RAP1GDS1: variants seen among roughly 807,000 people sequenced by gnomAD.
The protein encoded by RAP1GDS1 is RAP1, GTP-GDP dissociation stimulator 1.
In RAP1GDS1, 35 loss-of-function variants were observed where a neutral mutation model predicts 71.1. That is an observed-to-expected ratio of 0.49 (90% CI 0.38 to 0.65). The LOEUF is 0.65. Among genes scored for constraint, RAP1GDS1 ranks in the 30% least tolerant of loss-of-function variants. RAP1GDS1 has a pLI of 0.00. For missense variants in RAP1GDS1, 663 were observed against 706.1 expected (o/e 0.94, Z 0.69); for synonymous variants, 229 against 243.1 (o/e 0.94, Z 0.54).
intron 6 of RAP1GDS1, among the ~76,000 whole-genome samples, chr4:98,398,994 A>G (rs1285818047): frequency 6.6e-6 from 1 of 152,198 alleles, no homozygotes; most frequent in Non-Finnish European, 1.5e-5. Context: ...CGGTCATACT[A>G]TTCAAAGCAA....
At chr4:98,294,596 C>T (rs553698988) in intron 2 of RAP1GDS1, among the ~76,000 whole-genome samples, 2 of 151,998 alleles carry the variant, frequency 1.3e-5, no homozygotes, top group South Asian at 2.1e-4. Flanking sequence ...GAAAGGAGAA[C>T]GTCTAAGCCT....
chr4:98,283,817 A>G (rs936337274), intron 1 of RAP1GDS1, among the ~76,000 whole-genome samples: 1 of 133,966 alleles, frequency 7.5e-6, no homozygotes, highest in South Asian at 2.4e-4. Context: ...TTTCATTGTG[A>G]TTTTTTTTTT....
chr4:98,289,470 A>G (rs527999106), intron 1 of RAP1GDS1, among the ~76,000 whole-genome samples: 2 of 151,334 alleles, frequency 1.3e-5, no homozygotes, highest in South Asian at 4.2e-4. Context: ...ACTGACACAC[A>G]TGATGTTGTG....
At chr4:98,412,516 TAAAC>T (rs1349795194) in intron 7 of RAP1GDS1, among the ~76,000 whole-genome samples, 1 of 152,122 alleles carries the variant, frequency 6.6e-6, no homozygotes, top group Non-Finnish European at 1.5e-5. Flanking sequence ...CACTGTCTCT[TAAAC>T]AAAAAATCTG....
intron 2 of RAP1GDS1, among the ~76,000 whole-genome samples, chr4:98,319,649 T>C (rs988288844): frequency 6.6e-6 from 1 of 151,798 alleles, no homozygotes; most frequent in Non-Finnish European, 1.5e-5. Context: ...AACATGGTGG[T>C]GCACACCTAT....
chr4:98,352,326 C>A, intron 3 of RAP1GDS1, 150 bp from the exon 4 acceptor site: 1 of 749,148 alleles, frequency 1.3e-6, no homozygotes, highest in Non-Finnish European at 2.1e-6. Flanking sequence ...TACTTTTGTA[C>A]AGAAATGTAC....
chr4:98,287,144 A>G (rs1204329857), intron 1 of RAP1GDS1, among the ~76,000 whole-genome samples: 1 of 152,296 alleles, frequency 6.6e-6, no homozygotes, highest in Admixed American at 6.5e-5. Flanking sequence ...TAGTATGAGT[A>G]TCCTAGCATA....
At chr4:98,371,305 C>T (rs1161584476) in intron 4 of RAP1GDS1, among the ~76,000 whole-genome samples, 1 of 151,006 alleles carries the variant, frequency 6.6e-6, no homozygotes, top group East Asian at 2.0e-4. Flanking sequence ...TTAGTAGAGG[C>T]AGGATTTCAC....
intron 4 of RAP1GDS1, among the ~76,000 whole-genome samples, chr4:98,362,338 A>G (rs1415165882): frequency 1.3e-5 from 2 of 152,146 alleles, no homozygotes; most frequent in Non-Finnish European, 2.9e-5. Context: ...TTAGCTGTGC[A>G]TGATGGAGCA....
intron 4 of RAP1GDS1, 71 bp downstream of exon 4, chr4:98,352,672 T>A: frequency 6.5e-7 from 1 of 1,537,942 alleles, no homozygotes; most frequent in Non-Finnish European, 8.8e-7. Context: ...TCTGCTTTTG[T>A]GTTAGCAGTG....
At chr4:98,264,671 A>G (rs1051695679) in intron 1 of RAP1GDS1, among the ~76,000 whole-genome samples, 4 of 152,206 alleles carry the variant, frequency 2.6e-5, no homozygotes, top group Admixed American at 2.6e-4. Flanking sequence ...AAGTAAAAGT[A>G]TAAGTTATAT....
intron 3 of RAP1GDS1, among the ~76,000 whole-genome samples, chr4:98,351,870 G>A (rs1299400981): frequency 6.6e-6 from 1 of 151,964 alleles, no homozygotes; most frequent in Non-Finnish European, 1.5e-5. Flanking sequence ...GCAGATATGA[G>A]TGAGCCATAA....
chr4:98,310,891 A>G (rs1409223100), intron 2 of RAP1GDS1, among the ~76,000 whole-genome samples: 3 of 152,238 alleles, frequency 2.0e-5, no homozygotes, highest in Non-Finnish European at 4.4e-5. Flanking sequence ...TTGCTGCTAG[A>G]AAATATAAAG....
chr4:98,368,093 T>C (rs138284565), intron 4 of RAP1GDS1, among the ~76,000 whole-genome samples: 1 of 152,194 alleles, frequency 6.6e-6, no homozygotes, highest in East Asian at 1.9e-4. Context: ...TGGGAGATAA[T>C]TGAATCATGG....
chr4:98,415,284 A>G (rs1426323797), intron 7 of RAP1GDS1, among the ~76,000 whole-genome samples: 2 of 152,142 alleles, frequency 1.3e-5, no homozygotes, highest in Non-Finnish European at 2.9e-5. Flanking sequence ...ATATTGTTCA[A>G]ACACCCATGT....
At chr4:98,319,798 A>AG (rs1560827048) in intron 2 of RAP1GDS1, among the ~76,000 whole-genome samples, 3 of 150,918 alleles carry the variant, frequency 2.0e-5, no homozygotes, top group Non-Finnish European at 2.9e-5. Context: ...AAAAAAAAAA[A>AG]AGAGAGAAAT....
rs186018938 is a variant in RAP1GDS1, at chr4:98,426,788, A to G, written c.1440+5394A>G. On this transcript the variant is annotated intron_variant, in intron 12 of 14. Transcript: ENST00000408927. ...GATTCACAGCTGAATTCCACCAGAC[A>G]TTCAAAGAATAATTGGTACCAATCC... 5.9e-4 allele frequency among the ~76,000 whole-genome samples: 90 copies of G among 152,324 alleles called. No homozygotes were observed. The East Asian group carries it at 0.013, about 23-fold the overall frequency.
At chr4:98,409,615 T>C (rs1167312870) in intron 7 of RAP1GDS1, 3 of 222,582 alleles carry the variant, frequency 1.3e-5, no homozygotes, top group African/African-American at 7.0e-5. Context: ...GAAGGAAAGA[T>C]AGGAAAAGAA....
At chr4:98,426,152 G>C (rs1380580820) in intron 12 of RAP1GDS1, among the ~76,000 whole-genome samples, 1 of 151,986 alleles carries the variant, frequency 6.6e-6, no homozygotes, top group African/African-American at 2.4e-5. Flanking sequence ...AATCAAGATG[G>C]GAATTTAAAA....
Sources: gnomAD v4.1 joint callset for allele counts (sites outside exome capture counted in the v4.1 genomes callset) on GRCh38, gnomAD v4.1.1 for gene constraint, MANE v1.5 for transcripts, NCBI Gene and HGNC (gene_info 2026-07-23, HGNC 2026-07-21) for gene names.